TMEM184C: variants seen among roughly 807,000 people sequenced by gnomAD.
TMEM184C encodes the protein transmembrane protein 184C.
Under a neutral mutation model 54.5 loss-of-function variants are expected in TMEM184C, and 25 were observed. That is an observed-to-expected ratio of 0.46 (90% CI 0.33 to 0.64). The LOEUF is 0.64. TMEM184C is among the 30% of genes least tolerant of loss of function. The probability of loss-of-function intolerance (pLI) is 0.02; values close to 1 mark genes in which losing one functional copy is unlikely to be tolerated. For missense variants in TMEM184C, 335 were observed against 520.3 expected (o/e 0.64, Z 3.46); for synonymous variants, 148 against 181.5 (o/e 0.82, Z 1.49).
chr4:147,619,057 C>T (rs1732654011), intron 1 of TMEM184C, among the ~76,000 whole-genome samples: 1 of 151,850 alleles, frequency 6.6e-6, no homozygotes, highest in Non-Finnish European at 1.5e-5. Context: ...TTAGTAGCGA[C>T]GGGGTTTCTC....
intron 8 of TMEM184C, 59 bp downstream of exon 8, chr4:147,633,061 T>C: frequency 2.1e-6 from 3 of 1,427,568 alleles, no homozygotes; most frequent in Non-Finnish European, 3.0e-6. Context: ...CATTTTTACA[T>C]ATCTCCACTA....
intron 1 of TMEM184C, among the ~76,000 whole-genome samples, chr4:147,618,364 T>C (rs1290952946): frequency 3.3e-5 from 5 of 152,224 alleles, no homozygotes; most frequent in Admixed American, 1.3e-4. Flanking sequence ...AAGGTAATTT[T>C]ATTGCTGAAA....
intron 1 of TMEM184C, among the ~76,000 whole-genome samples, chr4:147,620,237 C>A (rs776646807): frequency 2.0e-5 from 3 of 152,104 alleles, no homozygotes; most frequent in Non-Finnish European, 4.4e-5. Context: ...TAGGACTTAC[C>A]ACCATCTACC....
chr4:147,625,654 A>G (rs1312461659), intron 4 of TMEM184C, among the ~76,000 whole-genome samples: 1 of 152,214 alleles, frequency 6.6e-6, no homozygotes, highest in African/African-American at 2.4e-5. Context: ...GGAGTTTATA[A>G]TAATCTATTT....
At chr4:147,623,432 C>CA (rs556773342) in intron 1 of TMEM184C, among the ~76,000 whole-genome samples, 2,196 of 110,438 alleles carry the variant, frequency 0.02, 31 homozygotes, top group South Asian at 0.049. Context: ...AAAACTGTCT[C>CA]AAAAAAAAAA....
intron 8 of TMEM184C, among the ~76,000 whole-genome samples, chr4:147,633,480 A>G (rs914316475): frequency 6.6e-6 from 1 of 151,898 alleles, no homozygotes; most frequent in Admixed American, 6.6e-5. Flanking sequence ...GCACATGCCT[A>G]TACTCCTAGT....
intron 6 of TMEM184C, among the ~76,000 whole-genome samples, chr4:147,630,122 G>A (rs2126553123): frequency 6.6e-6 from 1 of 151,948 alleles, no homozygotes; most frequent in South Asian, 2.1e-4. Context: ...AAAATTCTCT[G>A]TTATCATATA....
chr4:147,623,616 CT>C (rs1352585340), intron 1 of TMEM184C, among the ~76,000 whole-genome samples: 1 of 146,480 alleles, frequency 6.8e-6, no homozygotes, highest in Non-Finnish European at 1.5e-5. Flanking sequence ...AAAGTCCCCC[CT>C]CCCCCACAAA....
At position 147,627,300 on chromosome 4, in the gene TMEM184C, G is replaced by GT. The variant is rs35317897; in HGVS notation, c.498-1051dup. Among the ~76,000 whole-genome samples the GT allele has an allele frequency of 1.5e-3, 222 of 149,276 alleles. 1 individual carries two copies. The highest frequency in any genetic ancestry group is 5.3e-3 in the East Asian group (27 of 5,120). On this transcript the variant is annotated intron_variant, in intron 4 of 9. Coordinates refer to ENST00000296582, the MANE Select transcript of TMEM184C (RefSeq NM_018241.3). Reference sequence around the variant, plus strand: ...AAATTTCATTTTCAAAGATTACTGTGTTTTTTTTTTGAGATGGTCTTGCTC... The same window carrying GT: ...AAATTTCATTTTCAAAGATTACTGTGTTTTTTTTTTTGAGATGGTCTTGCTC...
At position 147,632,979 on chromosome 4, in the gene TMEM184C, G is replaced by C; in HGVS notation, c.856G>C (p.Glu286Gln). 6.2e-7 allele frequency: 1 copy of C among 1,614,088 alleles called. No homozygotes were observed. The highest frequency in any genetic ancestry group is 8.5e-7 in the Non-Finnish European group (1 of 1,179,972). The change falls in exon 8 of 10, where the codon GAA becomes CAA. Residue 286 changes from glutamate to glutamine, a missense_variant. Coordinates refer to ENST00000296582, the MANE Select transcript of TMEM184C (RefSeq NM_018241.3). ...EKHTWEWQTV[E>Q]AVATGLQDFI... ...GCATACGTGGGAATGGCAAACTGTA[G>C]AAGCTGTGGCCACCGGACTCCAGGT... is the stretch of plus-strand genomic sequence containing the variant.
rs1733012279 is a variant in TMEM184C, at chr4:147,635,602, T to G, written c.*1168T>G. On this transcript the variant is annotated 3_prime_UTR_variant, in exon 10 of 10. Transcript: ENST00000296582. ...TCAAAGCCTTTGCTTTATGTATTTA[T>G]ACACATACTCATTCATATCTATCTA... 6.6e-6 allele frequency: 1 copy of G among 152,222 alleles called. No individual in the cohort carries two copies. The allele number at this position is 152,222 out of a possible 1,614,324, so 9.4% of individuals were successfully genotyped here.
intron 7 of TMEM184C, among the ~76,000 whole-genome samples, chr4:147,631,850 T>G (rs1281458512): frequency 6.6e-6 from 1 of 152,174 alleles, no homozygotes; most frequent in African/African-American, 2.4e-5. Flanking sequence ...TCAGTAAATC[T>G]TTTTAAAACA....
At chr4:147,625,515 T>C (rs990900645) in intron 4 of TMEM184C, among the ~76,000 whole-genome samples, 1 of 152,254 alleles carries the variant, frequency 6.6e-6, no homozygotes, top group African/African-American at 2.4e-5. Context: ...GCATTTATTA[T>C]AGAAATGAAC....
intron 4 of TMEM184C, among the ~76,000 whole-genome samples, chr4:147,627,522 G>T (rs548030463): frequency 1.3e-5 from 2 of 151,968 alleles, no homozygotes; most frequent in Non-Finnish European, 2.9e-5. Context: ...CACCTGCCTC[G>T]GCCTCCCACA....
rs1400340918 is a variant in TMEM184C at position 147,628,375 on chromosome 4, G to A, written c.512G>A (p.Arg171Lys). The A allele has an allele frequency of 6.2e-7, 1 of 1,612,718 alleles. No homozygotes were observed. ...PWAMGEVLLF[R>K]CKLGVLQYTV... ...TTCTTTTGCAGAGTATTGCTGTTTA[G>A]GTGCAAACTAGGTGTATTACAGTAC... is the stretch of plus-strand genomic sequence containing the variant. The change falls in exon 5 of 10, where the codon AGG becomes AAG. Residue 171 changes from arginine to lysine, a missense_variant. Coordinates refer to ENST00000296582, the MANE Select transcript of TMEM184C (RefSeq NM_018241.3).
chr4:147,617,857 G>C lies in TMEM184C; in HGVS notation c.-100G>C. The C allele has an allele frequency of 6.4e-7, 1 of 1,554,042 alleles. No individual in the cohort carries two copies. On this transcript the variant is annotated 5_prime_UTR_variant, in exon 1 of 10. Transcript: ENST00000296582. ...AAAGTCGCCCGACAGCTTTTTCTCC[G>C]TAGTATGCGAGTTGACAAAACAGCC...
At chr4:147,630,130 A>G (rs1387435406) in intron 6 of TMEM184C, among the ~76,000 whole-genome samples, 1 of 152,008 alleles carries the variant, frequency 6.6e-6, no homozygotes, top group East Asian at 1.9e-4. Flanking sequence ...CTGTTATCAT[A>G]TATTTGAAGT....
At chr4:147,631,161 T>G (rs1482701740) in intron 6 of TMEM184C, among the ~76,000 whole-genome samples, 1 of 152,144 alleles carries the variant, frequency 6.6e-6, no homozygotes, top group Non-Finnish European at 1.5e-5. Flanking sequence ...TATTGTTCCC[T>G]TTATGGAACC....
chr4:147,624,733 G>A, intron 3 of TMEM184C, 71 bp from the exon 4 acceptor site: 2 of 1,438,426 alleles, frequency 1.4e-6, no homozygotes, highest in Non-Finnish European at 9.6e-7. Context: ...CTTATTGTGA[G>A]TACCATGAAT....
Sources: allele counts gnomAD v4.1 joint callset (sites outside exome capture counted in the v4.1 genomes callset), GRCh38; gene constraint gnomAD v4.1.1; transcripts MANE v1.5; gene names NCBI Gene and HGNC (gene_info 2026-07-23, HGNC 2026-07-21).